The following ZFPM2 variants were observed in gnomAD, a reference collection of about 807,000 sequenced individuals.
The protein encoded by ZFPM2 is zinc finger protein ZFPM2.
In ZFPM2, 20 loss-of-function variants were observed where a neutral mutation model predicts 98.6. The ratio of observed to expected loss-of-function variants is 0.20; its 90% CI spans 0.14 to 0.29. The LOEUF (loss-of-function observed/expected upper bound fraction) is 0.29, where lower values mean the gene tolerates loss of function less well. Among genes scored for constraint, ZFPM2 ranks in the 10% least tolerant of loss-of-function variants. The pLI, the probability that ZFPM2 is intolerant of heterozygous loss-of-function variation, is 1.00. For synonymous variants in ZFPM2, 518 were observed against 502.7 expected (o/e 1.03, Z -0.41); for missense variants, 1,310 against 1,388.6 (o/e 0.94, Z 0.90).
At chr8:105,465,793 C>T (rs1812786348) in intron 3 of ZFPM2, among the ~76,000 whole-genome samples, 2 of 151,932 alleles carry the variant, frequency 1.3e-5, no homozygotes. Flanking sequence ...CTAGCCACTT[C>T]ATCTGAATTT....
intron 5 of ZFPM2, among the ~76,000 whole-genome samples, chr8:105,648,791 T>G (rs989987469): frequency 6.6e-6 from 1 of 152,212 alleles, no homozygotes; most frequent in Admixed American, 6.5e-5. Context: ...CCTTGTAGTA[T>G]AGTTTGAAAT....
At chr8:105,506,964 G>A (rs1813711727) in intron 3 of ZFPM2, among the ~76,000 whole-genome samples, 1 of 147,986 alleles carries the variant, frequency 6.8e-6, no homozygotes, top group African/African-American at 2.5e-5. Context: ...CTCCAGCCTG[G>A]GCCACAGAGC....
intron 3 of ZFPM2, among the ~76,000 whole-genome samples, chr8:105,535,064 C>G (rs1369591853): frequency 6.6e-6 from 1 of 152,094 alleles, no homozygotes; most frequent in Non-Finnish European, 1.5e-5. Context: ...CAAATAAGGT[C>G]CTGAATCAAA....
At chr8:105,509,840 T>C (rs1813779168) in intron 3 of ZFPM2, among the ~76,000 whole-genome samples, 2 of 152,218 alleles carry the variant, frequency 1.3e-5, no homozygotes, top group African/African-American at 4.8e-5. Flanking sequence ...ATAAAGTTAA[T>C]GCTATTTTGT....
rs183336486 is a variant in ZFPM2 at position 105,630,478 on chromosome 8, A to G, written c.421-3768A>G. The stretch of plus-strand genomic sequence containing the variant: ...TTTTTATCTACTTATTATTTACTTT[A>G]CAGCTTGGGTATAGCTTTCAGCAAG... On this transcript the variant is annotated intron_variant, in intron 4 of 7. Transcript: ENST00000407775. 4.1e-4 allele frequency among the ~76,000 whole-genome samples: 63 copies of G among 152,304 alleles called. 1 individual carries two copies. The highest frequency in any genetic ancestry group is 3.7e-3 in the Admixed American group (56 of 15,288).
intron 4 of ZFPM2, among the ~76,000 whole-genome samples, chr8:105,618,755 C>T (rs1227632961): frequency 6.6e-6 from 1 of 151,930 alleles, no homozygotes; most frequent in East Asian, 1.9e-4. Flanking sequence ...AAGTAACTTG[C>T]CCAAGGCTAT....
chr8:105,692,210 T>G (rs1281580129), intron 5 of ZFPM2, among the ~76,000 whole-genome samples: 1 of 152,228 alleles, frequency 6.6e-6, no homozygotes, highest in Non-Finnish European at 1.5e-5. Flanking sequence ...ATACTGCTAG[T>G]GTCCAGAATG....
At chr8:105,484,638 C>T (rs1343798962) in intron 3 of ZFPM2, among the ~76,000 whole-genome samples, 1 of 152,110 alleles carries the variant, frequency 6.6e-6, no homozygotes, top group Admixed American at 6.5e-5. Context: ...TGCCACACTG[C>T]CTGACACCTA....
chr8:105,599,884 A>C (rs188277617), intron 4 of ZFPM2, among the ~76,000 whole-genome samples: 54 of 152,214 alleles, frequency 3.5e-4, no homozygotes, highest in Non-Finnish European at 6.3e-4. Flanking sequence ...TTAAAAAAAA[A>C]ATTCTCCACC....
At chr8:105,452,632 G>C (rs895001768) in intron 3 of ZFPM2, among the ~76,000 whole-genome samples, 3 of 151,764 alleles carry the variant, frequency 2.0e-5, no homozygotes, top group South Asian at 2.1e-4. Flanking sequence ...GGCACCTGTG[G>C]TCCAAGCTAC....
At chr8:105,399,284 G>A (rs1811286826) in intron 1 of ZFPM2, among the ~76,000 whole-genome samples, 1 of 152,168 alleles carries the variant, frequency 6.6e-6, no homozygotes, top group South Asian at 2.1e-4. Context: ...GGCTGGAATG[G>A]GTTCCTGCAG....
intron 1 of ZFPM2, among the ~76,000 whole-genome samples, chr8:105,380,043 G>A (rs1810813514): frequency 6.6e-6 from 1 of 152,134 alleles, no homozygotes; most frequent in Non-Finnish European, 1.5e-5. Flanking sequence ...ATTCAGATGT[G>A]ATGTGAATGT....
chr8:105,493,352 CT>C lies in ZFPM2; in HGVS notation c.301+48976del, dbSNP rs567486520. Among the ~76,000 whole-genome samples, 8 of 152,212 alleles carry C rather than the reference CT, an allele frequency of 5.3e-5. No homozygotes were observed. In the East Asian group the frequency reaches 1.5e-3, roughly 29 times the overall value. On this transcript the variant is annotated intron_variant, in intron 3 of 7. Coordinates refer to ENST00000407775, the MANE Select transcript of ZFPM2 (RefSeq NM_012082.4). The stretch of plus-strand genomic sequence containing the variant: ...GTGGGATATGGAAAGCATCAGAATC[CT>C]TTTTGGAAAAGCAGGTATTTGAAAG...
chr8:105,569,041 C>G (rs563976025), intron 4 of ZFPM2, among the ~76,000 whole-genome samples: 1 of 151,958 alleles, frequency 6.6e-6, no homozygotes, highest in South Asian at 2.1e-4. Flanking sequence ...AGACTCTGCT[C>G]AAAGTCACTT....
chr8:105,691,915 A>T (rs547786920), intron 5 of ZFPM2, among the ~76,000 whole-genome samples: 1 of 152,204 alleles, frequency 6.6e-6, no homozygotes, highest in Non-Finnish European at 1.5e-5. Flanking sequence ...CTTATTAAAA[A>T]CTATAAAAAT....
chr8:105,507,928 A>G lies in ZFPM2; in HGVS notation c.302-53435A>G, dbSNP rs1813737320. ...TTTCAGCCGTGGTGGAAAATTAAGA[A>G]TTTCCTTAAATAGAAACAAGGTATA... On this transcript the variant is annotated intron_variant, in intron 3 of 7. Transcript: ENST00000407775. Among the ~76,000 whole-genome samples, 4 of 152,288 alleles carry G rather than the reference A, an allele frequency of 2.6e-5. No individual in the cohort carries two copies. In the South Asian group the frequency reaches 8.3e-4, roughly 32 times the overall value.
At position 105,803,153 on chromosome 8, in the gene ZFPM2, G is replaced by A; in HGVS notation, c.3071G>A (p.Cys1024Tyr). ...SPKGQASSNG[C>Y]AALKKDSLPL... ...AAAGGCCAGGCTTCCTCAAATGGGT[G>A]TGCTGCGCTGAAGAAAGATTCTCTG... Residue 1024 changes from cysteine (C) to tyrosine (Y), a missense_variant, in exon 8 of 8, where the codon TGT (cysteine) becomes TAT (tyrosine). Cys to Tyr is a radical substitution (Grantham distance 194). Transcript: ENST00000407775. The A allele has an allele frequency of 6.2e-7, 1 of 1,613,988 alleles. No homozygotes were observed. Among genetic ancestry groups the A allele is most frequent in the South Asian group, 1.1e-5 (1 of 91,088 alleles).
chr8:105,538,000 A>T (rs868048297), intron 3 of ZFPM2, among the ~76,000 whole-genome samples: 9 of 152,026 alleles, frequency 5.9e-5, no homozygotes, highest in Non-Finnish European at 1.0e-4. Context: ...AAAGTGTATA[A>T]TATCTTTTTT....
intron 2 of ZFPM2, among the ~76,000 whole-genome samples, chr8:105,427,477 T>C (rs555931468): frequency 6.6e-6 from 1 of 152,364 alleles, no homozygotes; most frequent in East Asian, 1.9e-4. Context: ...TTTTGAGGCA[T>C]GTTAAGCTTG....
Sources: allele counts gnomAD v4.1 joint callset (sites outside exome capture counted in the v4.1 genomes callset), GRCh38; gene constraint gnomAD v4.1.1; transcripts MANE v1.5; gene names NCBI Gene and HGNC (gene_info 2026-07-23, HGNC 2026-07-21).